ALKBH3: variants seen among roughly 807,000 people sequenced by gnomAD.
The protein encoded by ALKBH3 is alpha-ketoglutarate-dependent dioxygenase alkB homolog 3.
Under a neutral mutation model 43.9 loss-of-function variants are expected in ALKBH3, and 51 were observed. That is an observed-to-expected ratio of 1.16 (90% CI 0.93 to 1.47). ALKBH3 has a LOEUF of 1.47. Ranked by LOEUF, ALKBH3 falls within the 40% of genes most tolerant of loss-of-function variation. ALKBH3 has a pLI of 0.00. For synonymous variants in ALKBH3, 102 were observed against 115.2 expected, an observed-to-expected ratio of 0.89 and a Z score of 0.73; for missense variants, 361 against 351.9, an observed-to-expected ratio of 1.03 and a Z score of -0.21.
intron 8 of ALKBH3, among the ~76,000 whole-genome samples, chr11:43,907,023 G>A (rs950711313): frequency 5.9e-5 from 9 of 152,166 alleles, no homozygotes; most frequent in Non-Finnish European, 1.0e-4. Context: ...AACTGAAAAA[G>A]GAAATAGCAA....
chr11:43,911,881 G>C (rs1440393306), intron 8 of ALKBH3, among the ~76,000 whole-genome samples: 1 of 152,206 alleles, frequency 6.6e-6, no homozygotes, highest in East Asian at 1.9e-4. Context: ...CCAGCACTTT[G>C]GGAGGCTGAG....
At chr11:43,908,425 A>G (rs1951911713) in intron 8 of ALKBH3, among the ~76,000 whole-genome samples, 1 of 152,208 alleles carries the variant, frequency 6.6e-6, no homozygotes, top group South Asian at 2.1e-4. Context: ...CACTTCTGCT[A>G]GTGACTGGGC....
chr11:43,892,176 A>T, intron 7 of ALKBH3, 47 bp downstream of exon 7: 1 of 1,472,736 alleles, frequency 6.8e-7, no homozygotes. Context: ...ACTATATACT[A>T]TGTGTTGAGT....
rs189503280 is a variant in ALKBH3 at position 43,915,073 on chromosome 11, T to C, written c.670-3965T>C. 6.0e-3 allele frequency among the ~76,000 whole-genome samples: 913 copies of C among 151,982 alleles called. 5 individuals carry two copies. Among genetic ancestry groups the C allele is most frequent in the Non-Finnish European group, 9.7e-3 (661 of 67,954 alleles). Reference sequence around the variant, plus strand: ...ATAAAAAAAAATTAGCCAGGCATGGTGGCAGGCACCTGTAATCCCAGCTAC... The same window carrying C: ...ATAAAAAAAAATTAGCCAGGCATGGCGGCAGGCACCTGTAATCCCAGCTAC... On this transcript the variant is annotated intron_variant, in intron 8 of 9. Coordinates refer to ENST00000302708, the MANE Select transcript of ALKBH3 (RefSeq NM_139178.4).
rs778322298 is a variant in ALKBH3 at position 43,898,106 on chromosome 11, G to C, written c.460-3410G>C. ...AGTGGCGATGCCCTCAGCAGCCCCA[G>C]TGCACCTGAGCCCGTGGTGGGCATC... On this transcript the variant is annotated intron_variant, in intron 7 of 9. Coordinates refer to ENST00000302708, the MANE Select transcript of ALKBH3 (RefSeq NM_139178.4). 6.6e-5 allele frequency: 71 copies of C among 1,083,698 alleles called. No individual in the cohort carries two copies. In the African/African-American group the frequency reaches 6.8e-4, roughly 10 times the overall value. 67.1% of individuals were successfully genotyped at this position (1,083,698 alleles called of 1,614,324 possible).
At chr11:43,918,983 G>A (rs1565131760) in intron 8 of ALKBH3, 55 bp from the exon 9 acceptor site, 2 of 1,404,720 alleles carry the variant, frequency 1.4e-6, no homozygotes, top group Admixed American at 3.4e-5. Flanking sequence ...GTCAGGTTCT[G>A]TTGCATCTTG....
chr11:43,907,955 A>G (rs1030753923), intron 8 of ALKBH3, among the ~76,000 whole-genome samples: 2 of 152,222 alleles, frequency 1.3e-5, no homozygotes, highest in African/African-American at 4.8e-5. Flanking sequence ...GCCAATTAGG[A>G]CATTGTTAGA....
chr11:43,886,687 A>AGGAGCCAAGATGGCCGAATAGGAACAGC, intron 5 of ALKBH3, 34 bp downstream of exon 5: 1 of 1,597,690 alleles, frequency 6.3e-7, no homozygotes, highest in African/African-American at 1.3e-5. Flanking sequence ...GACCGTAATT[A>AGGAGCCAAGATGGCCGAATAGGAACAGC]TCACTGAGTT....
At chr11:43,884,272 C>T (rs1444830782) in intron 4 of ALKBH3, among the ~76,000 whole-genome samples, 1 of 149,178 alleles carries the variant, frequency 6.7e-6, no homozygotes, top group Non-Finnish European at 1.5e-5. Flanking sequence ...GGCCCTATTT[C>T]ACCGATATCT....
At chr11:43,887,548 GA>G (rs1951754779) in intron 5 of ALKBH3, among the ~76,000 whole-genome samples, 2 of 152,080 alleles carry the variant, frequency 1.3e-5, no homozygotes, top group African/African-American at 4.8e-5. Context: ...GACCTCAGGT[GA>G]TCCACCTGCC....
intron 8 of ALKBH3, among the ~76,000 whole-genome samples, chr11:43,907,240 T>C (rs1258436661): frequency 6.6e-6 from 1 of 152,136 alleles, no homozygotes; most frequent in East Asian, 1.9e-4. Context: ...CGTGTGTGTG[T>C]TTAAGCAGAT....
intron 7 of ALKBH3, chr11:43,899,567 G>A (rs578058334): frequency 6.9e-5 from 44 of 636,596 alleles, no homozygotes; most frequent in South Asian, 2.3e-4. Context: ...AGCTAGTGCC[G>A]CACCACCTGC....
chr11:43,910,005 TCTTC>T (rs1169813624), intron 8 of ALKBH3: 2 of 152,254 alleles, frequency 1.3e-5, no homozygotes, highest in Admixed American at 1.3e-4. Flanking sequence ...TCATCATCTC[TCTTC>T]CTTGTAATAT....
chr11:43,891,804 C>G (rs1002952670), intron 6 of ALKBH3, among the ~76,000 whole-genome samples: 1 of 152,214 alleles, frequency 6.6e-6, no homozygotes, highest in African/African-American at 2.4e-5. Flanking sequence ...AAGCAAGTCA[C>G]CCACATTCTC....
At chr11:43,883,736 C>G (rs1951729623) in intron 3 of ALKBH3, among the ~76,000 whole-genome samples, 1 of 152,066 alleles carries the variant, frequency 6.6e-6, no homozygotes, top group Admixed American at 6.5e-5. Flanking sequence ...CAAGATTTTT[C>G]CAGAGCTGCT....
At chr11:43,897,687 G>C (rs558998580) in intron 7 of ALKBH3, 1 of 823,254 alleles carries the variant, frequency 1.2e-6, no homozygotes, top group Non-Finnish European at 2.2e-6. Context: ...AGTTGATTAC[G>C]TTTATTTTGT....
At chr11:43,905,734 G>C (rs1951891812) in intron 8 of ALKBH3, among the ~76,000 whole-genome samples, 1 of 152,104 alleles carries the variant, frequency 6.6e-6, no homozygotes, top group South Asian at 2.1e-4. Context: ...ATTCTATCAG[G>C]CTGGCATTAT....
chr11:43,894,008 C>A (rs1394555153), intron 7 of ALKBH3, among the ~76,000 whole-genome samples: 1 of 152,100 alleles, frequency 6.6e-6, no homozygotes, highest in Non-Finnish European at 1.5e-5. Context: ...ACACCCCGAC[C>A]TCTCAGAATT....
At chr11:43,918,315 C>G (rs997495159) in intron 8 of ALKBH3, among the ~76,000 whole-genome samples, 5 of 152,204 alleles carry the variant, frequency 3.3e-5, no homozygotes, top group Non-Finnish European at 5.9e-5. Flanking sequence ...TGCTTTTGAG[C>G]TCTCTGTGTA....
Sources: gnomAD v4.1 joint callset for allele counts (sites outside exome capture counted in the v4.1 genomes callset) on GRCh38, gnomAD v4.1.1 for gene constraint, MANE v1.5 for transcripts, NCBI Gene and HGNC (gene_info 2026-07-23, HGNC 2026-07-21) for gene names.